The following DDC variants were observed in gnomAD, a reference collection of about 807,000 sequenced individuals.
DDC encodes dopa decarboxylase.
Under a neutral mutation model 60.0 loss-of-function variants are expected in DDC, and 43 were observed. The observed-to-expected ratio is 0.72, with a 90% CI of 0.56 to 0.92. DDC has a LOEUF of 0.92. Ranked by LOEUF, DDC falls within the 40% of genes least tolerant of loss-of-function variation. The pLI, the probability that DDC is intolerant of heterozygous loss-of-function variation, is 0.00. For missense variants in DDC, 573 were observed against 620.2 expected, an observed-to-expected ratio of 0.92 and a Z score of 0.81; for synonymous variants, 232 against 234.6, an observed-to-expected ratio of 0.99 and a Z score of 0.10.
chr7:50,505,104 G>A (rs2043355457), intron 6 of DDC, among the ~76,000 whole-genome samples: 1 of 152,220 alleles, frequency 6.6e-6, no homozygotes, highest in South Asian at 2.1e-4. Flanking sequence ...TGAGGACCTT[G>A]TGGTGCCACG....
rs764694805 is a variant in DDC, at chr7:50,539,976, G to A, written c.254C>T (p.Ser85Leu). 6 of 1,613,876 alleles carry A rather than the reference G, an allele frequency of 3.7e-6. No individual in the cohort carries two copies. The highest frequency in any genetic ancestry group is 5.1e-6 in the Non-Finnish European group (6 of 1,179,986). Residue 85 changes from serine to leucine, a missense_variant, in exon 3 of 15, where the codon TCG becomes TTG. Coordinates refer to ENST00000444124, the MANE Select transcript of DDC (RefSeq NM_001082971.2). ...YFFAYFPTAS[S>L]YPAMLADMLC... ...CATGTCCGCAAGCATGGCCGGGTAC[G>A]AGCTGGCAGTGGGGAAGTAGGCGAA...
At chr7:50,499,906 C>G (rs1416163437) in intron 7 of DDC, among the ~76,000 whole-genome samples, 1 of 152,192 alleles carries the variant, frequency 6.6e-6, no homozygotes, top group Non-Finnish European at 1.5e-5. Context: ...TGCTCCCCAG[C>G]CAAGGGGCCC....
chr7:50,474,702 A>C (rs1256013105), intron 11 of DDC, among the ~76,000 whole-genome samples: 1 of 152,230 alleles, frequency 6.6e-6, no homozygotes, highest in Non-Finnish European at 1.5e-5. Flanking sequence ...TGCCAAGTTT[A>C]TCTAAAAGGA....
chr7:50,534,995 T>C (rs1238133152), intron 4 of DDC, among the ~76,000 whole-genome samples: 1 of 152,102 alleles, frequency 6.6e-6, no homozygotes, highest in East Asian at 1.9e-4. Context: ...CAAGGAGGCT[T>C]CTCCAGCTGC....
intron 4 of DDC, 112 bp from the exon 5 acceptor site, chr7:50,529,454 T>C (rs2153546013): frequency 7.6e-7 from 1 of 1,313,242 alleles, no homozygotes; most frequent in South Asian, 1.2e-5. Context: ...AATATGAGTC[T>C]GAAATGGCAA....
intron 4 of DDC, 105 bp from the exon 5 acceptor site, chr7:50,529,447 A>G (rs1426203728): frequency 1.5e-5 from 21 of 1,435,482 alleles, no homozygotes; most frequent in Non-Finnish European, 1.9e-5. Flanking sequence ...TTCTTAAAAT[A>G]TGAGTCTGAA....
At chr7:50,504,700 T>TGTGTGTGTCTGTGTGTGTGCAC (rs2043345144) in intron 6 of DDC, among the ~76,000 whole-genome samples, 1 of 151,938 alleles carries the variant, frequency 6.6e-6, no homozygotes, top group African/African-American at 2.4e-5. Flanking sequence ...TGGGGGGGTG[T>TGTGTGTGTCTGTGTGTGTGCAC]GTGTGTGTCT....
chr7:50,480,913 A>C (rs1317652635), intron 9 of DDC, among the ~76,000 whole-genome samples: 1 of 152,172 alleles, frequency 6.6e-6, no homozygotes, highest in Non-Finnish European at 1.5e-5. Context: ...ACTCGGACGC[A>C]AACTCTCACT....
chr7:50,564,172 G>A (rs1425003414), intron 1 of DDC: 1 of 152,178 alleles, frequency 6.6e-6, no homozygotes, highest in African/African-American at 2.4e-5. Flanking sequence ...TTTCAAAAAT[G>A]TCACATATCC....
chr7:50,546,682 G>A (rs376078344), intron 1 of DDC, among the ~76,000 whole-genome samples: 1 of 152,172 alleles, frequency 6.6e-6, no homozygotes, highest in African/African-American at 2.4e-5. Context: ...TCTGTTAAAT[G>A]AACAGTTACA....
At chr7:50,541,614 G>C (rs913967490) in intron 2 of DDC, among the ~76,000 whole-genome samples, 1 of 152,136 alleles carries the variant, frequency 6.6e-6, no homozygotes, top group African/African-American at 2.4e-5. Context: ...CTGGGAAGAC[G>C]GCTGTCTGTA....
intron 8 of DDC, among the ~76,000 whole-genome samples, chr7:50,498,190 G>A (rs2043167347): frequency 6.6e-6 from 1 of 152,230 alleles, no homozygotes; most frequent in African/African-American, 2.4e-5. Context: ...AGGATAGGGA[G>A]GATATCTAAC....
At chr7:50,541,271 C>A (rs1231578549) in intron 2 of DDC, 2 of 152,298 alleles carry the variant, frequency 1.3e-5, no homozygotes, top group African/African-American at 4.8e-5. Context: ...TTACCCCAGA[C>A]AACTGACTGC....
At chr7:50,525,972 A>G (rs972874911) in intron 6 of DDC, among the ~76,000 whole-genome samples, 3 of 152,040 alleles carry the variant, frequency 2.0e-5, no homozygotes, top group Non-Finnish European at 4.4e-5. Flanking sequence ...TTTAACATAT[A>G]CATAATCAGA....
intron 4 of DDC, 150 bp from the exon 5 acceptor site, chr7:50,529,492 A>C: frequency 1.1e-6 from 1 of 940,114 alleles, no homozygotes; most frequent in South Asian, 1.5e-5. Context: ...TTAGGAGAAA[A>C]CTAATATTTT....
At chr7:50,525,701 T>C (rs1373304577) in intron 6 of DDC, among the ~76,000 whole-genome samples, 1 of 152,078 alleles carries the variant, frequency 6.6e-6, no homozygotes, top group Non-Finnish European at 1.5e-5. Context: ...GAGGCAGATG[T>C]TGCAGTGAGC....
chr7:50,539,878 G>A (rs1024185065), intron 3 of DDC, 37 bp downstream of exon 3: 3 of 1,540,380 alleles, frequency 1.9e-6, no homozygotes, highest in Non-Finnish European at 2.7e-6. Context: ...TCCCACCACA[G>A]CCAGGACCCC....
chr7:50,527,181 T>C (rs1466554524), intron 6 of DDC, among the ~76,000 whole-genome samples: 2 of 152,250 alleles, frequency 1.3e-5, no homozygotes, highest in South Asian at 2.1e-4. Context: ...CTTACTGATA[T>C]GTAAGCCTTC....
chr7:50,527,841 T>C (rs574499579), intron 6 of DDC: 12 of 343,832 alleles, frequency 3.5e-5, no homozygotes, highest in African/African-American at 2.4e-4. Context: ...CATTACACTG[T>C]GGAATTGACT....
Sources: gnomAD v4.1 joint callset for allele counts (sites outside exome capture counted in the v4.1 genomes callset) on GRCh38, gnomAD v4.1.1 for gene constraint, MANE v1.5 for transcripts, NCBI Gene and HGNC (gene_info 2026-07-23, HGNC 2026-07-21) for gene names.